Variants in PTPRN2 observed in about 807,000 individuals in gnomAD.
PTPRN2 encodes protein tyrosine phosphatase receptor type N2, also known as receptor-type tyrosine-protein phosphatase N2.
Under a neutral mutation model 118.8 loss-of-function variants are expected in PTPRN2, and 74 were observed. The ratio of observed to expected loss-of-function variants is 0.62; its 90% CI spans 0.52 to 0.76. The LOEUF (loss-of-function observed/expected upper bound fraction) is 0.76. Ranked by LOEUF, PTPRN2 falls within the 30% of genes least tolerant of loss-of-function variation. The pLI is 0.00. For missense variants in PTPRN2, 1,481 were observed against 1,394.4 expected (o/e 1.06, Z -0.99); for synonymous variants, 641 against 608.0 (o/e 1.05, Z -0.80).
chr7:158,319,271 C>A (rs1392978037), intron 2 of PTPRN2, among the ~76,000 whole-genome samples: 1 of 149,004 alleles, frequency 6.7e-6, no homozygotes, highest in Non-Finnish European at 1.5e-5. Flanking sequence ...GCAGTGGACA[C>A]AGACACCATC....
chr7:157,775,153 G>A (rs774245955), intron 12 of PTPRN2, among the ~76,000 whole-genome samples: 56 of 152,194 alleles, frequency 3.7e-4, no homozygotes, highest in Non-Finnish European at 6.0e-4. Context: ...ACTCCGTCAC[G>A]GCAGTGTAGG....
chr7:157,910,344 A>G (rs1309725103), intron 11 of PTPRN2, among the ~76,000 whole-genome samples: 14 of 145,926 alleles, frequency 9.6e-5, no homozygotes, highest in African/African-American at 2.6e-4. Flanking sequence ...ACGCCGTGGG[A>G]ACGGGTCCAG....
intron 12 of PTPRN2, among the ~76,000 whole-genome samples, chr7:157,688,684 G>T (rs1797315253): frequency 1.3e-5 from 2 of 152,168 alleles, no homozygotes; most frequent in African/African-American, 4.8e-5. Context: ...GGGGGTTACC[G>T]CTTCGCCTCC....
rs903208697 is a variant in PTPRN2, at chr7:157,618,177, T to A, written c.2344+3185A>T. ...TGTGTCCATCTCCTGGGTGGAAGAA[T>A]GACCCAGGGAAGTGCTCCATGGGGA... On this transcript the variant is annotated intron_variant, in intron 15 of 22. Coordinates refer to ENST00000389418, the MANE Select transcript of PTPRN2 (RefSeq NM_002847.5). The surrounding 1 kb of genome is among the most constrained non-coding windows in gnomAD (Gnocchi z 4.2). The A allele has an allele frequency of 6.6e-6, 1 of 152,164 alleles. No individual in the cohort carries two copies. The highest frequency in any genetic ancestry group is 1.5e-5 in the Non-Finnish European group (1 of 68,038). 9.4% of individuals were successfully genotyped at this position (152,164 alleles called of 1,614,324 possible). A position where few individuals can be genotyped will look rare whatever the true frequency, so the allele number is the denominator to read the frequency against.
chr7:157,942,500 T>C (rs895135477), intron 11 of PTPRN2, among the ~76,000 whole-genome samples: 1 of 152,094 alleles, frequency 6.6e-6, no homozygotes, highest in Non-Finnish European at 1.5e-5. Context: ...GCTGGGGTAA[T>C]ACTCTTGGGA....
At chr7:158,067,549 C>T (rs1810866371) in intron 11 of PTPRN2, among the ~76,000 whole-genome samples, 2 of 152,130 alleles carry the variant, frequency 1.3e-5, no homozygotes, top group Non-Finnish European at 2.9e-5. Context: ...TGCTCAGGGG[C>T]CCCGTTTGCA....
At chr7:158,165,864 C>T (rs1014954166) in intron 6 of PTPRN2, among the ~76,000 whole-genome samples, 5 of 152,140 alleles carry the variant, frequency 3.3e-5, no homozygotes, top group Admixed American at 6.5e-5. Flanking sequence ...ACTCAGGTAG[C>T]GACACCGGAA....
chr7:158,140,960 T>C (rs1160306472), intron 6 of PTPRN2, among the ~76,000 whole-genome samples: 2 of 152,228 alleles, frequency 1.3e-5, no homozygotes, highest in African/African-American at 4.8e-5. Context: ...GCCACGTCTC[T>C]ACCTTCCCGA....
At chr7:158,255,850 C>T (rs576681139) in intron 3 of PTPRN2, among the ~76,000 whole-genome samples, 68 of 152,144 alleles carry the variant, frequency 4.5e-4, no homozygotes, top group African/African-American at 1.6e-3. Flanking sequence ...TCAGGGCACC[C>T]GTCCTCACTG....
intron 2 of PTPRN2, among the ~76,000 whole-genome samples, chr7:158,453,502 C>T (rs577320618): frequency 6.6e-6 from 1 of 152,276 alleles, no homozygotes; most frequent in East Asian, 1.9e-4. Context: ...ACCACAGGGG[C>T]TACACAGAGG....
intron 11 of PTPRN2, among the ~76,000 whole-genome samples, chr7:157,997,520 G>C (rs1430478611): frequency 2.6e-5 from 4 of 152,224 alleles, no homozygotes; most frequent in African/African-American, 9.6e-5. Context: ...AAGGGCCACA[G>C]GTGGGCCTCA....
chr7:158,419,374 C>T (rs949548110), intron 2 of PTPRN2, among the ~76,000 whole-genome samples: 3 of 62,654 alleles, frequency 4.8e-5, no homozygotes, highest in Non-Finnish European at 8.4e-5. Context: ...AATTCCGTCA[C>T]TGCAAGAATT....
At chr7:157,967,190 G>A (rs533771350) in intron 11 of PTPRN2, among the ~76,000 whole-genome samples, 6 of 152,270 alleles carry the variant, frequency 3.9e-5, no homozygotes, top group East Asian at 3.9e-4. Context: ...AGATGTGGTG[G>A]CTCACACTTA....
chr7:157,584,091 A>G (rs978246688), intron 17 of PTPRN2, among the ~76,000 whole-genome samples: 6 of 152,184 alleles, frequency 3.9e-5, no homozygotes, highest in Non-Finnish European at 8.8e-5. Context: ...ATTTGAGCCC[A>G]GGAGTTCAGG....
chr7:158,281,704 C>T (rs774180799), intron 3 of PTPRN2, among the ~76,000 whole-genome samples: 18 of 152,228 alleles, frequency 1.2e-4, no homozygotes, highest in Non-Finnish European at 2.5e-4. Flanking sequence ...GCTTTGCACC[C>T]ACCTCCTGCC....
In PTPRN2 at chr7:158,110,861, C is replaced by T. The variant is rs1816188051; in HGVS notation, c.1611G>A (p.Leu537=). ...CAGCGAACGCACTGCTGGGCACCTGCAGGAGGCGGGCGACGTCCTCCACCA... is the reference window on the plus strand; with the variant it reads ...CAGCGAACGCACTGCTGGGCACCTGTAGGAGGCGGGCGACGTCCTCCACCA... The part of the protein sequence containing the change: ...RRLVEDVARL[L]QVPSSAFADV... Residue 537 remains leucine (L), a synonymous_variant, in exon 10 of 23, where the codon CTG becomes CTA. Transcript: ENST00000389418. 2.5e-6 allele frequency: 4 copies of T among 1,589,678 alleles called. No individual in the cohort carries two copies. The highest frequency in any genetic ancestry group is 3.4e-6 in the Non-Finnish European group (4 of 1,167,820).
intron 11 of PTPRN2, among the ~76,000 whole-genome samples, chr7:157,943,062 G>C (rs894116299): frequency 7.9e-5 from 12 of 152,172 alleles, no homozygotes; most frequent in Admixed American, 3.3e-4. Flanking sequence ...GCATCTTCAG[G>C]CTTAAAAATT....
At chr7:158,572,582 A>G (rs1828102827) in intron 1 of PTPRN2, among the ~76,000 whole-genome samples, 1 of 152,194 alleles carries the variant, frequency 6.6e-6, no homozygotes, top group Non-Finnish European at 1.5e-5. Flanking sequence ...CCTGATCAGG[A>G]CCGGCTGACA....
At position 157,779,622 on chromosome 7, in the gene PTPRN2, G is replaced by A. The variant is rs955101705; in HGVS notation, c.1789-96685C>T. On this transcript the variant is annotated intron_variant, in intron 12 of 22. Coordinates refer to ENST00000389418, the MANE Select transcript of PTPRN2 (RefSeq NM_002847.5). This position sits in a 1 kb window ranked among gnomAD's most constrained non-coding sequence, Gnocchi z 4.7. ...TAAATAACTTGCTTCTCACCCTGCT[G>A]CAGGAGTCTCCGAAGCACAAAGGCT... 7.9e-5 allele frequency among the ~76,000 whole-genome samples: 12 copies of A among 152,186 alleles called. No individual in the cohort carries two copies. The highest frequency in any genetic ancestry group is 1.8e-4 in the Non-Finnish European group (12 of 68,042).
Sources: gnomAD v4.1 joint callset for allele counts (sites outside exome capture counted in the v4.1 genomes callset) on GRCh38, gnomAD v4.1.1 for gene constraint, Gnocchi (gnomAD v3.1) non-coding constraint, MANE v1.5 for transcripts, NCBI Gene and HGNC (gene_info 2026-07-23, HGNC 2026-07-21) for gene names.